Variants in NOX5 observed in about 807,000 individuals in gnomAD.
NOX5 encodes NADPH oxidase 5.
A neutral mutation model predicts 85.7 loss-of-function variants in NOX5; 76 were observed. The observed-to-expected ratio is 0.89, with a 90% CI of 0.74 to 1.07. The LOEUF (loss-of-function observed/expected upper bound fraction) is 1.07. NOX5 is among the 50% of genes least tolerant of loss of function. The pLI, the probability that NOX5 is intolerant of heterozygous loss-of-function variation, is 0.00. For missense variants in NOX5, 973 were observed against 999.5 expected, an observed-to-expected ratio of 0.97 and a Z score of 0.36; for synonymous variants, 405 against 401.4, an observed-to-expected ratio of 1.01 and a Z score of -0.11.
At chr15:69,037,583 A>AG (rs1214919421) in intron 8 of NOX5, 1 of 179,304 alleles carries the variant, frequency 5.6e-6, no homozygotes, top group Non-Finnish European at 1.2e-5. Context: ...ATTACAGTGC[A>AG]GGGCTGTGTT....
chr15:69,018,817 G>A (rs2050263635), intron 1 of NOX5, among the ~76,000 whole-genome samples: 1 of 152,132 alleles, frequency 6.6e-6, no homozygotes, highest in South Asian at 2.1e-4. Context: ...AGGATTAAAG[G>A]TCAGGGGATG....
intron 3 of NOX5, chr15:69,029,463 T>A (rs2050401788): frequency 1.3e-5 from 2 of 152,188 alleles, no homozygotes; most frequent in Non-Finnish European, 2.9e-5. Context: ...TGAACATTGG[T>A]GCACAGATAT....
chr15:69,023,478 T>G, intron 1 of NOX5: 1 of 415,024 alleles, frequency 2.4e-6, no homozygotes, highest in Non-Finnish European at 4.7e-6. Context: ...TCTACTGAAA[T>G]CCCGAATAGA....
intron 4 of NOX5, 79 bp from the exon 5 acceptor site, chr15:69,032,964 T>G (rs2140259522): frequency 6.6e-7 from 1 of 1,505,430 alleles, no homozygotes; most frequent in Non-Finnish European, 8.7e-7. Flanking sequence ...GGCCATAGCT[T>G]GAAGGGGGTC....
At chr15:69,040,837 A>C (rs1245933537) in intron 9 of NOX5, among the ~76,000 whole-genome samples, 1 of 151,826 alleles carries the variant, frequency 6.6e-6, no homozygotes, top group Admixed American at 6.6e-5. Flanking sequence ...GCCACCATGC[A>C]TGGCTAATTT....
At chr15:69,041,775 C>T (rs942025922) in intron 9 of NOX5, among the ~76,000 whole-genome samples, 2 of 152,242 alleles carry the variant, frequency 1.3e-5, no homozygotes, top group African/African-American at 4.8e-5. Context: ...CAACCTGTGG[C>T]CCTTGGGCCG....
At chr15:69,039,083 CA>C (rs1443992114) in intron 9 of NOX5, 94 bp downstream of exon 9, 1 of 1,393,634 alleles carries the variant, frequency 7.2e-7, no homozygotes, top group African/African-American at 1.4e-5. Context: ...CAGCACTGAA[CA>C]AGGCCAGAAA....
At chr15:69,023,000 C>T (rs1300151436) in intron 1 of NOX5, 1 of 505,500 alleles carries the variant, frequency 2.0e-6, no homozygotes, top group African/African-American at 2.0e-5. Flanking sequence ...CCTTAATGGC[C>T]TCACAAAGAG....
At chr15:69,035,229 G>A in intron 5 of NOX5, 125 bp from the exon 6 acceptor site, 1 of 1,013,836 alleles carries the variant, frequency 9.9e-7, no homozygotes, top group Non-Finnish European at 1.4e-6. Context: ...TGGGGGCAGG[G>A]GACTTTGGTG....
In NOX5 at chr15:69,033,238, C is replaced by T. The variant is rs1295550909; in HGVS notation, c.816C>T (p.Gly272=). 1.3e-6 allele frequency: 2 copies of T among 1,597,986 alleles called. No homozygotes were observed. The highest frequency in any genetic ancestry group is 1.7e-6 in the Non-Finnish European group (2 of 1,179,246). The part of the protein sequence containing the change: ...DLGASVMVAK[G]CGQCLNFDCS... ...GCGCCAGCGTCATGGTGGCCAAGGGCTGCGGCCAGTGCCTCAACTTCGACT... is the reference window on the plus strand; with the variant it reads ...GCGCCAGCGTCATGGTGGCCAAGGGTTGCGGCCAGTGCCTCAACTTCGACT... Residue 272 remains glycine (G), a synonymous_variant, in exon 5 of 16, where the codon GGC becomes GGT. Transcript: ENST00000388866.
In NOX5 at chr15:69,057,621, G is replaced by A. The variant is rs2050829196; in HGVS notation, c.*925G>A. 1 of 152,224 alleles carries A rather than the reference G, an allele frequency of 6.6e-6. No individual in the cohort carries two copies. Among genetic ancestry groups the A allele is most frequent in the South Asian group, 2.1e-4 (1 of 4,828 alleles). 9.4% of individuals were successfully genotyped at this position (152,224 alleles called of 1,614,324 possible). On this transcript the variant is annotated 3_prime_UTR_variant, in exon 16 of 16. Coordinates refer to ENST00000388866, the MANE Select transcript of NOX5 (RefSeq NM_024505.4). ...TCTGTCGTGGAAAGGCCAAGTGCCTGGGGATGAAGCGGGCTAAGCCTGGAA... is the reference window on the plus strand; with the variant it reads ...TCTGTCGTGGAAAGGCCAAGTGCCTAGGGATGAAGCGGGCTAAGCCTGGAA...
At chr15:69,034,316 C>T (rs2050483822) in intron 5 of NOX5, among the ~76,000 whole-genome samples, 1 of 152,150 alleles carries the variant, frequency 6.6e-6, no homozygotes, top group South Asian at 2.1e-4. Context: ...TGTTTCGATA[C>T]ATGCAATGTG....
Position 69,033,080 on chromosome 15 carries a change from C to T in NOX5, c.658C>T (p.Arg220Cys), listed in dbSNP as rs780034662. 4.5e-5 allele frequency: 71 copies of T among 1,562,264 alleles called. No homozygotes were observed. In the South Asian group the frequency reaches 6.7e-4, roughly 15 times the overall value. ...GCTGACGGCCCCCGCCCCCCGCCCA[C>T]GCCCGCGCCGGCCGCGCCAGCTGAC... ...HWLTAPAPRPRPRRPRQLTRA... is the reference protein window; with the variant it reads ...HWLTAPAPRPCPRRPRQLTRA... Residue 220 changes from arginine (R) to cysteine (C), a missense_variant, in exon 5 of 16, where the codon CGC becomes TGC. By Grantham distance (180) the Arg-to-Cys change is radical (BLOSUM62 -3). Transcript: ENST00000388866.
chr15:69,048,904 G>A (rs1002999170), intron 13 of NOX5, 55 bp from the exon 14 acceptor site: 2 of 1,335,904 alleles, frequency 1.5e-6, no homozygotes, highest in South Asian at 1.2e-5. Flanking sequence ...ACAGATGTGA[G>A]CCTCCTGCAA....
rs1418749385 is a variant in NOX5, at chr15:69,061,515, T to A, written c.*4819T>A. ...AAACAAATACTCATATTAACCAGCC[T>A]TCCTGACAGATTGATGCATCTTTTT... On this transcript the variant is annotated 3_prime_UTR_variant, in exon 16 of 16. Coordinates refer to ENST00000388866, the MANE Select transcript of NOX5 (RefSeq NM_024505.4). 6.6e-6 allele frequency: 1 copy of A among 152,278 alleles called. No individual in the cohort carries two copies. The highest frequency in any genetic ancestry group is 1.5e-5 in the Non-Finnish European group (1 of 68,050). 9.4% of individuals were successfully genotyped at this position (152,278 alleles called of 1,614,324 possible).
rs1199079936 is a variant in NOX5, at chr15:69,047,887, C to A, written c.1875C>A (p.Val625=). ...PSCQHSWIEG[V]QDNMKLHKVD... ...GCCAGCACTCCTGGATCGAAGGTGT[C>A]CAAGACAACATGAAGCTCCATAAGG... Residue 625 remains valine (V), a synonymous_variant, in exon 13 of 16, where the codon GTC becomes GTA. Transcript: ENST00000388866. The A allele has an allele frequency of 1.2e-6, 2 of 1,614,146 alleles. No individual in the cohort carries two copies. Among genetic ancestry groups the A allele is most frequent in the East Asian group, 4.5e-5 (2 of 44,870 alleles).
Position 69,055,445 on chromosome 15 carries a change from A to G in NOX5, c.2111A>G (p.Asp704Gly). The part of the protein sequence containing the change: ...LDLLANKEKK[D>G]SITGLQTRTQ... ...CTCCTGGCCAACAAGGAGAAGAAAG[A>G]CTCCATCACGGGGCTGCAGACGCGC... Residue 704 changes from aspartate (D) to glycine (G), a missense_variant, in exon 15 of 16, where the codon GAC (aspartate) becomes GGC (glycine). By Grantham distance (94) the Asp-to-Gly change is moderately conservative. Transcript: ENST00000388866. The G allele has an allele frequency of 6.2e-7, 1 of 1,614,056 alleles. No homozygotes were observed. Among genetic ancestry groups the G allele is most frequent in the African/African-American group, 1.3e-5 (1 of 75,012 alleles).
intron 14 of NOX5, among the ~76,000 whole-genome samples, chr15:69,050,426 A>C (rs918345574): frequency 5.3e-5 from 8 of 152,082 alleles, no homozygotes; most frequent in African/African-American, 1.9e-4. Context: ...TTTTCACTGC[A>C]AACACCTTAG....
At position 69,014,905 on chromosome 15, in the gene NOX5, A is replaced by G. The variant is rs914888666; in HGVS notation, c.50+120A>G. ...CCTTGGGCAGAAATCAGAAGATCTGAGCTCTATTCTTGCCTTGCTACTAGC... is the reference window on the plus strand; with the variant it reads ...CCTTGGGCAGAAATCAGAAGATCTGGGCTCTATTCTTGCCTTGCTACTAGC... On this transcript the variant is annotated intron_variant, in intron 1 of 15. Transcript: ENST00000388866. The G allele has an allele frequency of 1.7e-5, 13 of 764,918 alleles. No homozygotes were observed. In the South Asian group the frequency reaches 2.2e-4, roughly 13 times the overall value. The allele number at this position is 764,918 out of a possible 1,614,324, so 47.4% of individuals were successfully genotyped here. A position where few individuals can be genotyped will look rare whatever the true frequency, so the allele number is the denominator to read the frequency against.
Sources: allele counts gnomAD v4.1 joint callset (sites outside exome capture counted in the v4.1 genomes callset), GRCh38; gene constraint gnomAD v4.1.1; transcripts MANE v1.5; gene names NCBI Gene and HGNC (gene_info 2026-07-23, HGNC 2026-07-21).